PIGN: variants seen among roughly 807,000 people sequenced by gnomAD.
PIGN encodes GPI ethanolamine phosphate transferase 1.
In PIGN, 117 loss-of-function variants were observed where a neutral mutation model predicts 125.4. The observed-to-expected ratio is 0.93, with a 90% CI of 0.80 to 1.09. The LOEUF (loss-of-function observed/expected upper bound fraction) is 1.09, where lower values mean the gene tolerates loss of function less well. Ranked by LOEUF, PIGN falls within the 50% of genes least tolerant of loss-of-function variation. The pLI, the probability that PIGN is intolerant of heterozygous loss-of-function variation, is 0.00. For missense variants in PIGN, 1,075 were observed against 1,094.9 expected (o/e 0.98, Z 0.26); for synonymous variants, 392 against 377.8 (o/e 1.04, Z -0.44).
intron 30 of PIGN, chr18:62,058,878 A>G (rs963719487): frequency 2.0e-5 from 3 of 152,068 alleles, no homozygotes; most frequent in African/African-American, 7.2e-5. Context: ...AATTGGTACC[A>G]GCTCCTGAGA....
chr18:62,171,395 G>A (rs79664163), intron 1 of PIGN, among the ~76,000 whole-genome samples: 2,533 of 152,140 alleles, frequency 0.017, 33 homozygotes, highest in Non-Finnish European at 0.025. Flanking sequence ...ACTTTCTGGA[G>A]ATAATTAGGT....
intron 14 of PIGN, among the ~76,000 whole-genome samples, chr18:62,118,824 C>T (rs1484723789): frequency 6.8e-6 from 1 of 147,842 alleles, no homozygotes; most frequent in East Asian, 2.0e-4. Flanking sequence ...TTATATTATA[C>T]TATATTATTC....
chr18:62,152,548 T>C (rs1335933994), intron 7 of PIGN, among the ~76,000 whole-genome samples: 3 of 152,154 alleles, frequency 2.0e-5, no homozygotes, highest in Non-Finnish European at 4.4e-5. Flanking sequence ...ACCTTCAACA[T>C]GCTCAGAACA....
intron 14 of PIGN, among the ~76,000 whole-genome samples, chr18:62,133,050 G>C (rs1035906170): frequency 1.3e-5 from 2 of 152,092 alleles, no homozygotes; most frequent in African/African-American, 4.8e-5. Flanking sequence ...CAATCATTTT[G>C]TTCTTCACTT....
At chr18:62,057,800 G>T (rs1457820440) in intron 30 of PIGN, among the ~76,000 whole-genome samples, 2 of 152,182 alleles carry the variant, frequency 1.3e-5, no homozygotes, top group African/African-American at 4.8e-5. Flanking sequence ...ACTGTACAGA[G>T]CACCCTTGAC....
chr18:62,073,416 G>C (rs140297271), intron 29 of PIGN, among the ~76,000 whole-genome samples: 3 of 152,124 alleles, frequency 2.0e-5, no homozygotes, highest in Admixed American at 6.6e-5. Context: ...AGTCCAGAGA[G>C]AGCTTGGTAG....
chr18:62,081,269 G>A (rs1260408506), intron 28 of PIGN, among the ~76,000 whole-genome samples: 2 of 152,132 alleles, frequency 1.3e-5, no homozygotes, highest in Admixed American at 1.3e-4. Context: ...AAGGAGAGAT[G>A]ATATCAGTGA....
chr18:62,152,866 A>AT (rs1468729568), intron 7 of PIGN, among the ~76,000 whole-genome samples: 48 of 50,236 alleles, frequency 9.6e-4, no homozygotes, highest in South Asian at 2.2e-3. Context: ...ATATATATAT[A>AT]TATTTTTTTT....
intron 28 of PIGN, chr18:62,075,321 T>A (rs2033114255): frequency 6.6e-6 from 1 of 152,536 alleles, no homozygotes; most frequent in Non-Finnish European, 1.5e-5. Flanking sequence ...CTCTGCCTAA[T>A]CCCTCACCCC....
At position 62,106,876 on chromosome 18, in the gene PIGN, G is replaced by A. The variant is rs774775954; in HGVS notation, c.1680C>T (p.Leu560=). Residue 560 remains leucine, a synonymous_variant, in exon 19 of 31, where the codon CTC becomes CTT. Coordinates refer to ENST00000640252, the MANE Select transcript of PIGN (RefSeq NM_176787.5). ...TAAGCATATAGCGGTAGAAAAAACTGAGAACCTAGTAATGCATTCCAAAGA... is the reference window on the plus strand; with the variant it reads ...TAAGCATATAGCGGTAGAAAAAACTAAGAACCTAGTAATGCATTCCAAAGA... ...AFTLGIEVLV[L]SFFYRYMLTA... 1.2e-6 allele frequency: 2 copies of A among 1,605,772 alleles called. No homozygotes were observed. The highest frequency in any genetic ancestry group is 1.7e-6 in the Non-Finnish European group (2 of 1,175,726).
rs373792298 is a variant in PIGN, at chr18:62,167,118, G to A, written c.-235-3462C>T. On this transcript the variant is annotated intron_variant, in intron 1 of 30. Transcript: ENST00000640252. ...GTGTATCTCTTCCACTAGAATGTAA[G>A]CTCCTTAAGAACACAGACTGACACC... Among the ~76,000 whole-genome samples the A allele has an allele frequency of 1.6e-4, 24 of 152,044 alleles. 1 individual carries two copies. The highest frequency in any genetic ancestry group is 6.8e-3 in the Middle Eastern group (2 of 294).
At chr18:62,124,097 C>T (rs2035412930) in intron 14 of PIGN, among the ~76,000 whole-genome samples, 2 of 152,070 alleles carry the variant, frequency 1.3e-5, no homozygotes, top group South Asian at 4.1e-4. Context: ...CTGACAACTC[C>T]TTATTCAGAA....
chr18:62,094,216 T>C (rs2034084603), intron 23 of PIGN, among the ~76,000 whole-genome samples: 2 of 152,184 alleles, frequency 1.3e-5, no homozygotes, highest in Non-Finnish European at 2.9e-5. Context: ...ACTTCAATTA[T>C]CCTTGCTTCT....
intron 25 of PIGN, 103 bp downstream of exon 25, chr18:62,088,653 C>G: frequency 1.4e-6 from 1 of 703,976 alleles, no homozygotes; most frequent in South Asian, 1.7e-5. Context: ...GGTTAAAGTA[C>G]TTAACACCAC....
At chr18:62,103,285 A>G (rs2034515629) in intron 20 of PIGN, among the ~76,000 whole-genome samples, 1 of 152,194 alleles carries the variant, frequency 6.6e-6, no homozygotes, top group South Asian at 2.1e-4. Context: ...CAAGTATATT[A>G]TCAGTATCTA....
intron 29 of PIGN, among the ~76,000 whole-genome samples, chr18:62,073,040 T>C (rs948325725): frequency 6.6e-6 from 1 of 152,166 alleles, no homozygotes; most frequent in African/African-American, 2.4e-5. Flanking sequence ...AGAAGCCACG[T>C]CATCCATCTA....
intron 23 of PIGN, among the ~76,000 whole-genome samples, chr18:62,029,085 C>A (rs895312059): frequency 7.2e-5 from 11 of 152,206 alleles, no homozygotes; most frequent in African/African-American, 2.4e-4. Context: ...CTTCCATGTG[C>A]CTTCCATCTC....
At chr18:62,118,325 G>A (rs1385969094) in intron 14 of PIGN, among the ~76,000 whole-genome samples, 4 of 151,728 alleles carry the variant, frequency 2.6e-5, no homozygotes, top group African/African-American at 9.7e-5. Flanking sequence ...CATAACTTCT[G>A]GTTATGCCAG....
chr18:62,165,155 C>CAT (rs1371973929), intron 1 of PIGN, among the ~76,000 whole-genome samples: 1 of 152,172 alleles, frequency 6.6e-6, no homozygotes, highest in East Asian at 1.9e-4. Context: ...TGGATTAACT[C>CAT]CCCTTCTCAG....
Sources: gnomAD v4.1 joint callset for allele counts (sites outside exome capture counted in the v4.1 genomes callset) on GRCh38, gnomAD v4.1.1 for gene constraint, MANE v1.5 for transcripts, NCBI Gene and HGNC (gene_info 2026-07-23, HGNC 2026-07-21) for gene names.